Variants in TMEFF1 observed in about 807,000 individuals in gnomAD.
TMEFF1 encodes the protein tomoregulin-1.
In TMEFF1, 20 loss-of-function variants were observed where a neutral mutation model predicts 47.5. That is an observed-to-expected ratio of 0.42 (90% CI 0.30 to 0.61). The LOEUF is 0.61. TMEFF1 is among the 20% of genes least tolerant of loss of function. TMEFF1 has a pLI of 0.19. For synonymous variants in TMEFF1, 162 were observed against 166.3 expected (o/e 0.97, Z 0.20); for missense variants, 411 against 471.1 (o/e 0.87, Z 1.18).
chr9:100,543,699 A>T (rs1184758133), intron 5 of TMEFF1, among the ~76,000 whole-genome samples: 184 of 138,882 alleles, frequency 1.3e-3, no homozygotes, highest in African/African-American at 5.0e-3. Context: ...TAGCTGATGA[A>T]GTAAAACACA....
At chr9:100,555,774 T>C (rs895407867) in intron 7 of TMEFF1, among the ~76,000 whole-genome samples, 1 of 152,208 alleles carries the variant, frequency 6.6e-6, no homozygotes, top group Non-Finnish European at 1.5e-5. Context: ...TTTAATATTA[T>C]GGTTCATAAG....
chr9:100,497,927 T>A (rs1837687962), intron 1 of TMEFF1, among the ~76,000 whole-genome samples: 2 of 151,812 alleles, frequency 1.3e-5, no homozygotes, highest in Non-Finnish European at 2.9e-5. Flanking sequence ...TTTTTTTTTT[T>A]AAACAGTCAT....
intron 5 of TMEFF1, among the ~76,000 whole-genome samples, chr9:100,533,351 T>C: frequency 1.3e-5 from 2 of 152,314 alleles, no homozygotes; most frequent in Middle Eastern, 3.4e-3. Context: ...CCTTTTTTTT[T>C]AGAACTTGAT....
chr9:100,538,253 T>TAGGC (rs1838558321), intron 5 of TMEFF1, among the ~76,000 whole-genome samples: 2 of 152,222 alleles, frequency 1.3e-5, no homozygotes, highest in African/African-American at 4.8e-5. Context: ...AGATGGGGTT[T>TAGGC]CACCATGTTG....
At chr9:100,489,814 T>C (rs1049729219) in intron 1 of TMEFF1, among the ~76,000 whole-genome samples, 2 of 152,210 alleles carry the variant, frequency 1.3e-5, no homozygotes, top group Non-Finnish European at 2.9e-5. Context: ...GCCAGGCTAG[T>C]GTCAGAACCC....
chr9:100,498,690 C>CAG, intron 1 of TMEFF1, 75 bp from the exon 2 acceptor site: 1 of 1,390,180 alleles, frequency 7.2e-7, no homozygotes, highest in Non-Finnish European at 1.0e-6. Context: ...TTCATACACA[C>CAG]ACACACACGC....
At chr9:100,511,374 C>A (rs1214231736) in intron 3 of TMEFF1, among the ~76,000 whole-genome samples, 2 of 152,178 alleles carry the variant, frequency 1.3e-5, no homozygotes, top group Admixed American at 1.3e-4. Context: ...CTAACTCCAA[C>A]CCTTATTTAC....
At chr9:100,521,680 A>G (rs1388813354) in intron 5 of TMEFF1, among the ~76,000 whole-genome samples, 1 of 152,206 alleles carries the variant, frequency 6.6e-6, no homozygotes, top group Non-Finnish European at 1.5e-5. Context: ...TACCTTTTAT[A>G]TACCCGACCT....
intron 2 of TMEFF1, among the ~76,000 whole-genome samples, chr9:100,499,274 C>T (rs1371644307): frequency 2.0e-5 from 3 of 152,050 alleles, no homozygotes; most frequent in Non-Finnish European, 4.4e-5. Context: ...CTCTTCAGGC[C>T]ACAGAACTTG....
In TMEFF1 at chr9:100,473,837, G is replaced by C. The variant is rs1837167983; in HGVS notation, c.196+97G>C. On this transcript the variant is annotated intron_variant, in intron 1 of 9. Transcript: ENST00000374879. This position sits in a 1 kb window ranked among gnomAD's most constrained non-coding sequence, Gnocchi z 5.4. ...CGGCCGGGCTGGGAAAGACCCCGTC[G>C]TGGGGGTCCCAGGGGTGGGCCCGAG... 6.7e-6 allele frequency: 9 copies of C among 1,343,690 alleles called. No homozygotes were observed. The South Asian group carries it at 1.6e-4, about 23-fold the overall frequency. 83.2% of individuals were successfully genotyped at this position (1,343,690 alleles called of 1,614,324 possible).
intron 8 of TMEFF1, among the ~76,000 whole-genome samples, chr9:100,568,571 C>A (rs1000837220): frequency 6.8e-6 from 1 of 147,298 alleles, no homozygotes; most frequent in African/African-American, 2.5e-5. Flanking sequence ...AACTGTCCTC[C>A]CTCCCTCCTT....
Position 100,473,868 on chromosome 9 carries a change from G to A in TMEFF1, c.196+128G>A. ...GTCCCAGGGGTGGGCCCGAGGGTGA[G>A]CGAGGGCGGAGGGCAGGGCGCGAGC... On this transcript the variant is annotated intron_variant, in intron 1 of 9. Transcript: ENST00000374879. The surrounding 1 kb of genome is among the most constrained non-coding windows in gnomAD (Gnocchi z 5.4). 10 of 1,180,918 alleles carry A rather than the reference G, an allele frequency of 8.5e-6. No individual in the cohort carries two copies. The highest frequency in any genetic ancestry group is 1.1e-5 in the Non-Finnish European group (10 of 907,122). 73.2% of individuals were successfully genotyped at this position (1,180,918 alleles called of 1,614,324 possible).
Position 100,505,792 on chromosome 9 carries a change from CTACGTTAGAAAG to C in TMEFF1, c.307-3210_307-3199del, listed in dbSNP as rs1421362489. ...TATTGGCACCTTTGTGAACACAACA[CTACGTTAGAAAG>C]TAAGCATTTGTTGAGGAATGAAGTG... On this transcript the variant is annotated intron_variant, in intron 2 of 9. Coordinates refer to ENST00000374879, the MANE Select transcript of TMEFF1 (RefSeq NM_003692.5). Among the ~76,000 whole-genome samples, 7 of 152,338 alleles carry C rather than the reference CTACGTTAGAAAG, an allele frequency of 4.6e-5. No homozygotes were observed. The South Asian group carries it at 1.4e-3, about 32-fold the overall frequency.
chr9:100,562,555 G>C (rs963900623), intron 8 of TMEFF1, among the ~76,000 whole-genome samples: 1 of 151,882 alleles, frequency 6.6e-6, no homozygotes, highest in Non-Finnish European at 1.5e-5. Context: ...GAAGGAGCTA[G>C]CCTTCTCTTC....
intron 1 of TMEFF1, among the ~76,000 whole-genome samples, chr9:100,479,099 T>A (rs1242817932): frequency 6.6e-6 from 1 of 152,240 alleles, no homozygotes; most frequent in African/African-American, 2.4e-5. Flanking sequence ...TGAGTTTTTC[T>A]AATTAATGGG....
chr9:100,521,214 A>G (rs1032923460), intron 5 of TMEFF1, among the ~76,000 whole-genome samples: 4 of 152,196 alleles, frequency 2.6e-5, no homozygotes, highest in African/African-American at 9.7e-5. Flanking sequence ...CTCAATGGCT[A>G]TTGTAATTCA....
At chr9:100,503,233 A>G (rs1837800186) in intron 2 of TMEFF1, among the ~76,000 whole-genome samples, 1 of 152,172 alleles carries the variant, frequency 6.6e-6, no homozygotes. Flanking sequence ...AGGATTTTAA[A>G]TAAAAATTCA....
intron 5 of TMEFF1, among the ~76,000 whole-genome samples, chr9:100,545,711 G>A (rs982632228): frequency 6.6e-6 from 1 of 152,138 alleles, no homozygotes; most frequent in Non-Finnish European, 1.5e-5. Flanking sequence ...GAACTTTTGT[G>A]CTTTGCTTCC....
Position 100,497,320 on chromosome 9 carries a change from C to CTTTTTTTTTTTTTTTTTTTTTTTTTTTT in TMEFF1, c.197-1421_197-1420insTTTTTTTTTTTTTTTTTTTTTTTTTTTT, listed in dbSNP as rs752427622. Among the ~76,000 whole-genome samples the CTTTTTTTTTTTTTTTTTTTTTTTTTTTT allele has an allele frequency of 2.5e-4, 15 of 59,542 alleles. 1 individual carries two copies. Among genetic ancestry groups the CTTTTTTTTTTTTTTTTTTTTTTTTTTTT allele is most frequent in the East Asian group, 5.5e-4 (1 of 1,834 alleles). The allele number at this position is 59,542 out of a possible 152,430, so 39.1% of individuals were successfully genotyped here. On this transcript the variant is annotated intron_variant, in intron 1 of 9. Transcript: ENST00000374879. ...TCTTGCTTTAAGTTTCCACTCATGTCTTTTTTTTTTTTTTTTTTTTTTTTG... is the reference window on the plus strand; with the variant it reads ...TCTTGCTTTAAGTTTCCACTCATGTCTTTTTTTTTTTTTTTTTTTTTTTTTTTTTTTTTTTTTTTTTTTTTTTTTTTTG...
Sources: gnomAD v4.1 joint callset for allele counts (sites outside exome capture counted in the v4.1 genomes callset) on GRCh38, gnomAD v4.1.1 for gene constraint, Gnocchi (gnomAD v3.1) non-coding constraint, MANE v1.5 for transcripts, NCBI Gene and HGNC (gene_info 2026-07-23, HGNC 2026-07-21) for gene names.